The following NTRK2 variants were observed in gnomAD, a reference collection of about 807,000 sequenced individuals.
NTRK2 encodes BDNF/NT-3 growth factors receptor.
NTRK2 carries 13 observed loss-of-function variants against 94.5 expected under a neutral mutation model. The observed-to-expected ratio is 0.14, with a 90% CI of 0.09 to 0.22. The LOEUF is 0.22. NTRK2 is among the 10% of genes least tolerant of loss of function. The pLI is 1.00. For missense variants in NTRK2, 639 were observed against 1,071.2 expected (o/e 0.60, Z 5.63); for synonymous variants, 372 against 407.4 (o/e 0.91, Z 1.05).
chr9:84,963,946 C>T (rs1273268300), intron 17 of NTRK2, among the ~76,000 whole-genome samples: 3 of 152,082 alleles, frequency 2.0e-5, no homozygotes, highest in Non-Finnish European at 4.4e-5. Context: ...TCAATATGGG[C>T]CTTTTCTTAT....
chr9:84,921,500 GA>G (rs2077565261), intron 14 of NTRK2, among the ~76,000 whole-genome samples: 1 of 151,826 alleles, frequency 6.6e-6, no homozygotes, highest in Non-Finnish European at 1.5e-5. Flanking sequence ...AGAGGCAGGG[GA>G]CAAAAAAAAT....
At chr9:84,703,914 A>T (rs2060884156) in intron 4 of NTRK2, among the ~76,000 whole-genome samples, 1 of 152,220 alleles carries the variant, frequency 6.6e-6, no homozygotes, top group Non-Finnish European at 1.5e-5. Context: ...GGATAGAAGA[A>T]AAAGGCAAAA....
At chr9:84,829,744 GGATTTAT>G (rs1337773105) in intron 12 of NTRK2, among the ~76,000 whole-genome samples, 6 of 152,092 alleles carry the variant, frequency 3.9e-5, no homozygotes, top group Non-Finnish European at 8.8e-5. Context: ...GATTGTTCAG[GGATTTAT>G]GATGCTCACT....
intron 17 of NTRK2, among the ~76,000 whole-genome samples, chr9:85,004,039 A>AGGAAAGAAAGAAAAGAAAGAG (rs1830640768): frequency 2.4e-5 from 1 of 40,974 alleles, no homozygotes. Context: ...GAAAGAGAGA[A>AGGAAAGAAAGAAAAGAAAGAG]AGAAAGGGAG....
chr9:84,886,368 G>A (rs1320994311), intron 14 of NTRK2, among the ~76,000 whole-genome samples: 1 of 152,222 alleles, frequency 6.6e-6, no homozygotes, highest in East Asian at 1.9e-4. Context: ...TTTTGGAGCT[G>A]TTGGTCACCT....
intron 6 of NTRK2, among the ~76,000 whole-genome samples, chr9:84,715,340 A>G (rs1778926): frequency 0.5 from 76,215 of 151,900 alleles, 19,385 homozygotes; most frequent in East Asian, 0.59. Context: ...AGAGAGTCTC[A>G]TTTCTTCTTT....
chr9:85,023,500 AG>A lies in NTRK2; in HGVS notation c.*2064del, dbSNP rs1832883777. The A allele has an allele frequency of 4.3e-6, 1 of 232,696 alleles. No individual in the cohort carries two copies. Among genetic ancestry groups the A allele is most frequent in the African/African-American group, 2.2e-5 (1 of 45,348 alleles). The allele number at this position is 232,696 out of a possible 1,614,324, so 14.4% of individuals were successfully genotyped here. A position where few individuals can be genotyped will look rare whatever the true frequency, so the allele number is the denominator to read the frequency against. ...AGTAGCAACTGCAGTCAAGCGAGGG[AG>A]TTGACAAGATAAACCTTACGTCCAT... On this transcript the variant is annotated 3_prime_UTR_variant, in exon 19 of 19. Coordinates refer to ENST00000277120, the MANE Select transcript of NTRK2 (RefSeq NM_006180.6).
intron 12 of NTRK2, chr9:84,813,584 C>T: frequency 1.9e-6 from 2 of 1,065,770 alleles, no homozygotes; most frequent in Non-Finnish European, 2.3e-6. Flanking sequence ...TGCAACATGT[C>T]AATTACCTTT....
chr9:84,699,655 A>G (rs1366164867), intron 2 of NTRK2, among the ~76,000 whole-genome samples: 2 of 146,876 alleles, frequency 1.4e-5, no homozygotes, highest in Non-Finnish European at 3.0e-5. Context: ...AATTAAGCTT[A>G]TGTGTGTGTT....
chr9:84,942,541 A>G (rs576981933), intron 15 of NTRK2, among the ~76,000 whole-genome samples: 1 of 152,312 alleles, frequency 6.6e-6, no homozygotes, highest in African/African-American at 2.4e-5. Context: ...TTATAGAACA[A>G]TGAAGTCCAA....
chr9:84,879,529 A>G (rs565345818), intron 14 of NTRK2, among the ~76,000 whole-genome samples: 5 of 152,106 alleles, frequency 3.3e-5, no homozygotes, highest in African/African-American at 1.2e-4. Context: ...CATGGATTGT[A>G]TTTTCACATT....
intron 12 of NTRK2, among the ~76,000 whole-genome samples, chr9:84,798,912 C>A (rs1588678932): frequency 1.0e-4 from 13 of 128,032 alleles, no homozygotes; most frequent in Admixed American, 1.6e-4. Context: ...CTTCTAAGTG[C>A]TATATATATA....
At chr9:84,684,855 T>C (rs1256318066) in intron 2 of NTRK2, among the ~76,000 whole-genome samples, 1 of 152,202 alleles carries the variant, frequency 6.6e-6, no homozygotes, top group East Asian at 1.9e-4. Context: ...CAAAAAATAA[T>C]AAAATTTGTA....
At chr9:84,792,035 G>A (rs565311269) in intron 12 of NTRK2, among the ~76,000 whole-genome samples, 86 of 152,270 alleles carry the variant, frequency 5.6e-4, no homozygotes, top group Non-Finnish European at 1.0e-3. Context: ...TTTCATCATG[G>A]AATGTGAAAG....
intron 14 of NTRK2, among the ~76,000 whole-genome samples, chr9:84,911,699 A>G (rs2077240515): frequency 6.6e-6 from 1 of 152,052 alleles, no homozygotes; most frequent in Non-Finnish European, 1.5e-5. Context: ...TTATTTTCAA[A>G]GAACCAATTT....
chr9:84,862,063 A>C (rs1013025611), intron 13 of NTRK2, among the ~76,000 whole-genome samples: 2 of 152,180 alleles, frequency 1.3e-5, no homozygotes, highest in African/African-American at 4.8e-5. Flanking sequence ...CGGCTGAGGC[A>C]GCCTGGCCAG....
chr9:84,984,346 G>T (rs200623646), intron 17 of NTRK2, among the ~76,000 whole-genome samples: 1 of 152,050 alleles, frequency 6.6e-6, no homozygotes, highest in Non-Finnish European at 1.5e-5. Context: ...AGTGGTGCAC[G>T]CCTGTAGTCC....
upstream of NTRK2, among the ~76,000 whole-genome samples, chr9:84,669,023 A>C (rs1400357241): frequency 6.6e-6 from 1 of 152,138 alleles, no homozygotes; most frequent in Non-Finnish European, 1.5e-5. The surrounding 1 kb of genome is among the most constrained non-coding windows in gnomAD (Gnocchi z 4.1). Context: ...AAACGGCAGG[A>C]AAAAGACCCA....
intron 17 of NTRK2, among the ~76,000 whole-genome samples, chr9:85,017,591 G>A (rs1031940308): frequency 1.3e-5 from 2 of 152,200 alleles, no homozygotes; most frequent in Non-Finnish European, 2.9e-5. Flanking sequence ...CCAAAGTTAA[G>A]TTTGTTCTTT....
Sources: allele counts gnomAD v4.1 joint callset (sites outside exome capture counted in the v4.1 genomes callset), GRCh38; gene constraint gnomAD v4.1.1; non-coding constraint Gnocchi (gnomAD v3.1); transcripts MANE v1.5; gene names NCBI Gene and HGNC (gene_info 2026-07-23, HGNC 2026-07-21).